Variants in PCDHA10 observed in about 807,000 individuals in gnomAD.
The protein encoded by PCDHA10 is protocadherin alpha 10.
PCDHA10 carries 45 observed loss-of-function variants against 61.2 expected under a neutral mutation model. That is an observed-to-expected ratio of 0.74 (90% confidence interval 0.58 to 0.94). The LOEUF is 0.94. PCDHA10 is among the 40% of genes least tolerant of loss of function. The pLI is 0.00. For synonymous variants in PCDHA10, 602 were observed against 548.8 expected (o/e 1.10, Z -1.35); for missense variants, 1,278 against 1,236.2 (o/e 1.03, Z -0.51).
intron 1 of PCDHA10, among the ~76,000 whole-genome samples, chr5:140,897,173 G>A (rs1212341088): frequency 6.6e-6 from 1 of 151,926 alleles, no homozygotes; most frequent in East Asian, 1.9e-4. Context: ...CTATCTCCAT[G>A]GGTTCAAAAA....
At chr5:140,871,624 A>G in intron 1 of PCDHA10, 1 of 1,409,596 alleles carries the variant, frequency 7.1e-7, no homozygotes, top group African/African-American at 1.4e-5. Context: ...TTTAGATAAC[A>G]ATGTCTGTTC....
chr5:140,979,573 G>T lies in PCDHA10; in HGVS notation c.2447+566G>T, dbSNP rs558232107. Among the ~76,000 whole-genome samples, 224 of 152,236 alleles carry T rather than the reference G, an allele frequency of 1.5e-3. 1 individual carries two copies. Among genetic ancestry groups the T allele is most frequent in the African/African-American group, 5.2e-3 (215 of 41,538 alleles). On this transcript the variant is annotated intron_variant, in intron 2 of 3. Transcript: ENST00000307360. ...CTTCAGAAGATGAGCCATGTAAAGG[G>T]CTCCAAATCTAGCTTACTTTAAATT...
At position 141,010,114 on chromosome 5, in the gene PCDHA10, G is replaced by A. The variant is rs2098416092; in HGVS notation, c.*177G>A. Reference sequence around the variant, plus strand: ...GCATTTAACAGGTTTTGTCGTAAAAGCTTTACTAAGTCTGGTGTTAACTCT... The same window carrying A: ...GCATTTAACAGGTTTTGTCGTAAAAACTTTACTAAGTCTGGTGTTAACTCT... On this transcript the variant is annotated 3_prime_UTR_variant, in exon 4 of 4. Transcript: ENST00000307360. The A allele has an allele frequency of 1.2e-6, 2 of 1,609,716 alleles. No homozygotes were observed. Among genetic ancestry groups the A allele is most frequent in the Non-Finnish European group, 1.7e-6 (2 of 1,177,682 alleles).
chr5:140,896,596 C>T (rs1554187019), intron 1 of PCDHA10, among the ~76,000 whole-genome samples: 2 of 151,466 alleles, frequency 1.3e-5, no homozygotes, highest in African/African-American at 4.9e-5. Flanking sequence ...AGGCTGGTCT[C>T]GAACTCCTGG....
At chr5:140,966,695 CGGGCGTGGGGCACGGCT>C (rs2096039584) in intron 1 of PCDHA10, 1 of 1,358,374 alleles carries the variant, frequency 7.4e-7, no homozygotes. Flanking sequence ...AGGCGGGGCC[CGGGCGTGGGGCACGGCT>C]GGGGAAGCTG....
intron 1 of PCDHA10, among the ~76,000 whole-genome samples, chr5:140,955,283 A>G (rs1255959484): frequency 6.6e-6 from 1 of 151,774 alleles, no homozygotes; most frequent in African/African-American, 2.4e-5. Context: ...CCATATTGAT[A>G]TGGTTTGGCT....
At chr5:140,862,414 C>T in intron 1 of PCDHA10, 2 of 351,200 alleles carry the variant, frequency 5.7e-6, no homozygotes, top group South Asian at 2.2e-5. Flanking sequence ...CTTCAAAAGG[C>T]GCTGCCCAGA....
chr5:140,882,054 C>T, intron 1 of PCDHA10: 1 of 781,668 alleles, frequency 1.3e-6, no homozygotes. Context: ...CATACTTACA[C>T]TTACACGTTC....
chr5:140,954,116 G>A (rs1190456994), intron 1 of PCDHA10, among the ~76,000 whole-genome samples: 2 of 152,118 alleles, frequency 1.3e-5, no homozygotes, highest in East Asian at 3.9e-4. Context: ...ACAAGATCTT[G>A]TTCCTTTTTA....
chr5:140,998,243 C>T (rs1554256209), intron 3 of PCDHA10, among the ~76,000 whole-genome samples: 1 of 152,164 alleles, frequency 6.6e-6, no homozygotes, highest in Non-Finnish European at 1.5e-5. Context: ...CATTATTATA[C>T]TCATTTTACT....
rs1038140347 is a variant in PCDHA10 at position 140,928,220 on chromosome 5, C to T, written c.2389-50729C>T. On this transcript the variant is annotated intron_variant, in intron 1 of 3. Transcript: ENST00000307360. ...GTTGCTGATGTGAATGACAATACAC[C>T]AAACTTTCCTCAACCCCAGCAGGAA... The T allele has an allele frequency of 2.5e-6, 4 of 1,614,048 alleles. No individual in the cohort carries two copies. The Admixed American group carries it at 5.0e-5, about 20-fold the overall frequency.
chr5:140,920,766 C>T (rs370765138), intron 1 of PCDHA10, among the ~76,000 whole-genome samples: 66 of 151,878 alleles, frequency 4.3e-4, no homozygotes, highest in African/African-American at 1.6e-3. Context: ...ATTGCTTACA[C>T]CTGGGAGGTG....
chr5:140,882,577 C>T (rs370671644), intron 1 of PCDHA10: 45 of 1,614,120 alleles, frequency 2.8e-5, no homozygotes, highest in East Asian at 1.3e-4. Flanking sequence ...CGGAGTGCAG[C>T]ATCCACCTGG....
intron 1 of PCDHA10, among the ~76,000 whole-genome samples, chr5:140,912,858 A>G (rs1554195572): frequency 6.6e-6 from 1 of 152,192 alleles, no homozygotes; most frequent in East Asian, 1.9e-4. Context: ...ATCAATTGAA[A>G]TGATATATGG....
chr5:140,858,039 T>C lies in PCDHA10; in HGVS notation c.1991T>C (p.Val664Ala), dbSNP rs782597618. The change falls in exon 1 of 4, where the codon GTG (valine) becomes GCG (alanine). Residue 664 changes from valine (V) to alanine (A), a missense_variant. By Grantham distance (64) the Val-to-Ala change is moderately conservative. Transcript: ENST00000307360. ...CCGTCGCTGACGGCCACGGCCACTG[T>C]GCTTGTGTCGCTTGTGGAGGGCAGC... ...GEPSLTATAT[V>A]LVSLVEGSQA... 1.1e-5 allele frequency: 18 copies of C among 1,596,560 alleles called. 2 individuals are homozygous for C. The highest frequency in any genetic ancestry group is 5.5e-5 in the South Asian group (5 of 90,506).
In PCDHA10 at chr5:140,967,673, C is replaced by T. The variant is rs1563368144; in HGVS notation, c.2389-11276C>T. On this transcript the variant is annotated intron_variant, in intron 1 of 3. Transcript: ENST00000307360. ...CTCCTTGAGCAGCTACACGTCGGAC[C>T]GGGAGAGGCAGCTCTTCAGCATAGA... The T allele has an allele frequency of 2.5e-6, 4 of 1,614,130 alleles. No homozygotes were observed. In the East Asian group the frequency reaches 6.7e-5, roughly 27 times the overall value.
chr5:140,929,698 G>A (rs2086308201), intron 1 of PCDHA10: 1 of 263,620 alleles, frequency 3.8e-6, no homozygotes, highest in Non-Finnish European at 7.5e-6. Flanking sequence ...TGCTTTATAT[G>A]AATATAATAT....
intron 3 of PCDHA10, among the ~76,000 whole-genome samples, chr5:141,003,906 T>C (rs2153979379): frequency 6.6e-6 from 1 of 152,260 alleles, no homozygotes; most frequent in South Asian, 2.1e-4. Context: ...TTCATTTGGG[T>C]CTTGACTGCA....
intron 1 of PCDHA10, chr5:140,882,206 G>C: frequency 6.5e-7 from 1 of 1,531,252 alleles, no homozygotes; most frequent in Non-Finnish European, 8.8e-7. Context: ...TGGGCCTTGA[G>C]AGACAGTTTG....
Sources: gnomAD v4.1 joint callset for allele counts (sites outside exome capture counted in the v4.1 genomes callset) on GRCh38, gnomAD v4.1.1 for gene constraint, MANE v1.5 for transcripts, NCBI Gene and HGNC (gene_info 2026-07-23, HGNC 2026-07-21) for gene names.